SPIRE1: variants seen among roughly 807,000 people sequenced by gnomAD.
The protein encoded by SPIRE1 is spire type actin nucleation factor 1.
In SPIRE1, 40 loss-of-function variants were observed where a neutral mutation model predicts 94.1. The observed-to-expected ratio is 0.43, with a 90% CI of 0.33 to 0.55. The LOEUF (loss-of-function observed/expected upper bound fraction) is 0.55, where lower values mean the gene tolerates loss of function less well. SPIRE1 is among the 20% of genes least tolerant of loss of function. The probability of loss-of-function intolerance (pLI) is 0.06; values close to 1 mark genes in which losing one functional copy is unlikely to be tolerated. For synonymous variants in SPIRE1, 376 were observed against 371.7 expected (o/e 1.01, Z -0.13); for missense variants, 838 against 975.2 (o/e 0.86, Z 1.87).
intron 8 of SPIRE1, among the ~76,000 whole-genome samples, chr18:12,490,786 C>G (rs1017095413): frequency 3.9e-5 from 6 of 152,210 alleles, no homozygotes; most frequent in South Asian, 4.2e-4. Flanking sequence ...GAAATTACCT[C>G]AACATAATAA....
chr18:12,461,459 T>TGTGTAC (rs2031815326), intron 12 of SPIRE1, among the ~76,000 whole-genome samples: 1 of 149,346 alleles, frequency 6.7e-6, no homozygotes, highest in Non-Finnish European at 1.5e-5. Context: ...TGTGTGTATG[T>TGTGTAC]ATGTACATAT....
At position 12,518,037 on chromosome 18, in the gene SPIRE1, G is replaced by A. The variant is rs189222847; in HGVS notation, c.730-5506C>T. Among the ~76,000 whole-genome samples the A allele has an allele frequency of 2.3e-3, 349 of 152,176 alleles. 2 individuals carry two copies. Among genetic ancestry groups the A allele is most frequent in the South Asian group, 0.014 (68 of 4,820 alleles). On this transcript the variant is annotated intron_variant, in intron 4 of 16. Coordinates refer to ENST00000409402, the MANE Select transcript of SPIRE1 (RefSeq NM_001128626.2). Reference sequence around the variant, plus strand: ...AAACTTTTAATTAATTGTTGAGACCGAGTCTCACTCTGTTGACCAGGCTGG... The same window carrying A: ...AAACTTTTAATTAATTGTTGAGACCAAGTCTCACTCTGTTGACCAGGCTGG...
chr18:12,460,067 A>C, intron 12 of SPIRE1: 1 of 221,118 alleles, frequency 4.5e-6, no homozygotes, highest in South Asian at 1.6e-4. Context: ...AGGCTGGTAC[A>C]GTCCGTGCGA....
intron 2 of SPIRE1, among the ~76,000 whole-genome samples, chr18:12,629,632 G>C (rs977514088): frequency 1.3e-5 from 2 of 152,054 alleles, no homozygotes; most frequent in African/African-American, 4.8e-5. Flanking sequence ...GGAGGGGCAG[G>C]GCTAACTACA....
chr18:12,502,628 T>C (rs1039019293), intron 6 of SPIRE1, among the ~76,000 whole-genome samples: 3 of 152,128 alleles, frequency 2.0e-5, no homozygotes, highest in Non-Finnish European at 2.9e-5. Context: ...AAAGAAGCAA[T>C]AAAATGTGCA....
At chr18:12,526,867 G>T (rs369543211) in intron 4 of SPIRE1, among the ~76,000 whole-genome samples, 5 of 151,882 alleles carry the variant, frequency 3.3e-5, no homozygotes, top group Non-Finnish European at 7.4e-5. Context: ...ATGCCACCAC[G>T]CCTGGCTAAT....
intron 6 of SPIRE1, among the ~76,000 whole-genome samples, chr18:12,504,350 T>C (rs2033762150): frequency 6.8e-6 from 1 of 146,268 alleles, no homozygotes; most frequent in African/African-American, 2.6e-5. Flanking sequence ...CTACTAAAAA[T>C]ACAAAAATTA....
chr18:12,629,677 C>G (rs1481098566), intron 2 of SPIRE1, among the ~76,000 whole-genome samples: 1 of 152,120 alleles, frequency 6.6e-6, no homozygotes, highest in Non-Finnish European at 1.5e-5. Context: ...GGTGACAAAA[C>G]TTGATTGTAG....
chr18:12,589,009 C>G (rs141275773), intron 2 of SPIRE1, among the ~76,000 whole-genome samples: 2 of 152,230 alleles, frequency 1.3e-5, no homozygotes, highest in African/African-American at 4.8e-5. Context: ...GTTATTCATA[C>G]AGATACATAC....
intron 2 of SPIRE1, among the ~76,000 whole-genome samples, chr18:12,608,973 G>A (rs1312301596): frequency 6.6e-6 from 1 of 152,116 alleles, no homozygotes; most frequent in Non-Finnish European, 1.5e-5. Flanking sequence ...ACAAATGGGG[G>A]TGGGGTGTGG....
intron 5 of SPIRE1, among the ~76,000 whole-genome samples, chr18:12,509,888 C>A (rs1785298): frequency 1.3e-5 from 2 of 151,536 alleles, no homozygotes; most frequent in Non-Finnish European, 2.9e-5. Flanking sequence ...AGTACGAGAT[C>A]AGCCTGACCA....
intron 2 of SPIRE1, among the ~76,000 whole-genome samples, chr18:12,595,038 G>A (rs983190377): frequency 7.9e-5 from 12 of 152,222 alleles, no homozygotes; most frequent in African/African-American, 2.9e-4. Flanking sequence ...AGCACTTTGG[G>A]AGGCCAATGC....
intron 7 of SPIRE1, 63 bp from the exon 8 acceptor site, chr18:12,493,264 C>T: frequency 7.0e-7 from 1 of 1,419,834 alleles, no homozygotes. Flanking sequence ...GAAGTCTAGT[C>T]ATACAGTACA....
rs896677559 is a variant in SPIRE1 at position 12,496,166 on chromosome 18, A to G, written c.973-64T>C. On this transcript the variant is annotated intron_variant, in intron 6 of 16. Coordinates refer to ENST00000409402, the MANE Select transcript of SPIRE1 (RefSeq NM_001128626.2). ...ATAAGACTATCATGAATTTCTGGGT[A>G]TAGCTGTTATCTCAAATATGCCATA... 8 of 1,114,006 alleles carry G rather than the reference A, an allele frequency of 7.2e-6. No individual in the cohort carries two copies. The African/African-American group carries it at 1.1e-4, about 15-fold the overall frequency. 69.0% of individuals were successfully genotyped at this position (1,114,006 alleles called of 1,614,324 possible). A position where few individuals can be genotyped will look rare whatever the true frequency, so the allele number is the denominator to read the frequency against.
chr18:12,591,741 G>A (rs1301503713), intron 2 of SPIRE1, among the ~76,000 whole-genome samples: 7 of 152,084 alleles, frequency 4.6e-5, no homozygotes, highest in Admixed American at 2.0e-4. Context: ...ACTTTAGGAG[G>A]CCGAGGTGGG....
At chr18:12,632,479 C>T (rs1336943658) in intron 2 of SPIRE1, among the ~76,000 whole-genome samples, 2 of 152,202 alleles carry the variant, frequency 1.3e-5, no homozygotes, top group African/African-American at 2.4e-5. Flanking sequence ...TTCCCTCTGG[C>T]TCTACCGCCT....
At chr18:12,608,019 A>G (rs1278545918) in intron 2 of SPIRE1, among the ~76,000 whole-genome samples, 1 of 152,046 alleles carries the variant, frequency 6.6e-6, no homozygotes, top group Non-Finnish European at 1.5e-5. Context: ...TTAGCCAGGC[A>G]TCATGGCCGG....
At position 12,453,065 on chromosome 18, in the gene SPIRE1, T is replaced by C. The variant is rs777322032; in HGVS notation, c.1847+3A>G. 6.4e-7 allele frequency: 1 copy of C among 1,564,954 alleles called. No individual in the cohort carries two copies. The highest frequency in any genetic ancestry group is 8.6e-7 in the Non-Finnish European group (1 of 1,159,530). ...TCTTTTCATCAATTACAAAATACCTTACCTCTTACAGAACTGACAGGTATA... is the reference window on the plus strand; with the variant it reads ...TCTTTTCATCAATTACAAAATACCTCACCTCTTACAGAACTGACAGGTATA... On this transcript the variant is annotated splice_donor_region_variant and intron_variant, in intron 14 of 16. Transcript: ENST00000409402.
intron 10 of SPIRE1, among the ~76,000 whole-genome samples, chr18:12,469,385 T>G (rs2143661993): frequency 6.6e-6 from 1 of 151,210 alleles, no homozygotes; most frequent in East Asian, 1.9e-4. Context: ...ATATATATTT[T>G]TAGTTTTGCC....
Sources: gnomAD v4.1 joint callset for allele counts (sites outside exome capture counted in the v4.1 genomes callset) on GRCh38, gnomAD v4.1.1 for gene constraint, MANE v1.5 for transcripts, NCBI Gene and HGNC (gene_info 2026-07-23, HGNC 2026-07-21) for gene names.